PRKCB: variants seen among roughly 807,000 people sequenced by gnomAD.
PRKCB encodes protein kinase C beta type.
PRKCB carries 13 observed loss-of-function variants against 81.5 expected under a neutral mutation model. The observed-to-expected ratio is 0.16, with a 90% CI of 0.10 to 0.25. The LOEUF (loss-of-function observed/expected upper bound fraction) is 0.25. PRKCB is among the 10% of genes least tolerant of loss of function. The probability of loss-of-function intolerance (pLI) is 1.00; values close to 1 mark genes in which losing one functional copy is unlikely to be tolerated. For synonymous variants in PRKCB, 335 were observed against 321.4 expected, an observed-to-expected ratio of 1.04 and a Z score of -0.45; for missense variants, 509 against 875.7, an observed-to-expected ratio of 0.58 and a Z score of 5.29.
intron 2 of PRKCB, among the ~76,000 whole-genome samples, chr16:23,955,920 C>T (rs1292712634): frequency 6.6e-6 from 1 of 152,126 alleles, no homozygotes; most frequent in East Asian, 1.9e-4. Context: ...AATGTTTTCT[C>T]ATTCCAGGTT....
At chr16:24,038,723 A>G (rs1236735187) in intron 5 of PRKCB, among the ~76,000 whole-genome samples, 1 of 152,252 alleles carries the variant, frequency 6.6e-6, no homozygotes, top group Non-Finnish European at 1.5e-5. Context: ...CTCATGGGAA[A>G]AGAGAAGTGA....
chr16:24,069,220 AG>A (rs755557160), intron 5 of PRKCB, among the ~76,000 whole-genome samples: 20 of 152,210 alleles, frequency 1.3e-4, no homozygotes, highest in Non-Finnish European at 2.6e-4. Context: ...AGATCAGATA[AG>A]GGTACATGAA....
intron 3 of PRKCB, among the ~76,000 whole-genome samples, chr16:24,005,516 T>C (rs1965104504): frequency 6.6e-6 from 1 of 152,180 alleles, no homozygotes; most frequent in South Asian, 2.1e-4. Flanking sequence ...GAGTGGCGGT[T>C]CCGGCGTAAT....
rs58560122 is a variant in PRKCB at position 23,874,568 on chromosome 16, C to CTTTTTTTTTT, written c.205+37168_205+37177dup. On this transcript the variant is annotated intron_variant, in intron 2 of 16. Coordinates refer to ENST00000643927, the MANE Select transcript of PRKCB (RefSeq NM_002738.7). ...GCCTAGCATCACCAGATTCTTCTCT[C>CTTTTTTTTTT]TTTTTTTTTTTTTTTGTTTTGCCCC... Among the ~76,000 whole-genome samples, 6 of 133,050 alleles carry CTTTTTTTTTT rather than the reference C, an allele frequency of 4.5e-5. 1 individual carries two copies. Among genetic ancestry groups the CTTTTTTTTTT allele is most frequent in the Non-Finnish European group, 4.8e-5 (3 of 62,640 alleles). 87.3% of individuals were successfully genotyped at this position (133,050 alleles called of 152,430 possible).
At chr16:23,914,922 A>G (rs990445673) in intron 2 of PRKCB, among the ~76,000 whole-genome samples, 8 of 152,210 alleles carry the variant, frequency 5.3e-5, no homozygotes, top group African/African-American at 1.7e-4. Context: ...AGCCAGTCCA[A>G]GCCAGATGTT....
At chr16:23,942,827 C>T (rs1964155471) in intron 2 of PRKCB, among the ~76,000 whole-genome samples, 1 of 152,196 alleles carries the variant, frequency 6.6e-6, no homozygotes, top group Admixed American at 6.5e-5. Flanking sequence ...AGCATTGGGT[C>T]CCAGAGCCTG....
In PRKCB at chr16:23,925,046, T is replaced by C. The variant is rs368166612; in HGVS notation, c.206-63462T>C. ...CATTAGGTAAGGTCTTCCAGGTCAATATTTGACCATTGATTGGCACATCTG... is the reference window on the plus strand; with the variant it reads ...CATTAGGTAAGGTCTTCCAGGTCAACATTTGACCATTGATTGGCACATCTG... On this transcript the variant is annotated intron_variant, in intron 2 of 16. Coordinates refer to ENST00000643927, the MANE Select transcript of PRKCB (RefSeq NM_002738.7). Among the ~76,000 whole-genome samples the C allele has an allele frequency of 3.9e-5, 6 of 152,196 alleles. No individual in the cohort carries two copies. The South Asian group carries it at 6.2e-4, about 16-fold the overall frequency.
At chr16:23,841,614 A>AGTAGCT (rs1962265780) in intron 2 of PRKCB, among the ~76,000 whole-genome samples, 1 of 142,234 alleles carries the variant, frequency 7.0e-6, no homozygotes, top group South Asian at 2.3e-4. Context: ...CAGTGTCCTG[A>AGTAGCT]GTAGCTGGGA....
chr16:24,213,497 TA>T lies in PRKCB; in HGVS notation c.1864-1160del, dbSNP rs144169514. Among the ~76,000 whole-genome samples, 1,117 of 152,276 alleles carry T rather than the reference TA, an allele frequency of 7.3e-3. 12 individuals carry two copies. The highest frequency in any genetic ancestry group is 0.025 in the African/African-American group (1,053 of 41,560). On this transcript the variant is annotated intron_variant, in intron 16 of 16. Transcript: ENST00000643927. The stretch of plus-strand genomic sequence containing the variant: ...GGAGATCATAATAATGCCCACTTCA[TA>T]GGGCCATTGGGAAGATTAAATAAGG...
intron 16 of PRKCB, 128 bp downstream of exon 16, chr16:24,191,358 T>C: frequency 9.7e-7 from 1 of 1,033,568 alleles, no homozygotes. Flanking sequence ...GGTGTATGTA[T>C]TCACACATAT....
intron 2 of PRKCB, among the ~76,000 whole-genome samples, chr16:23,960,090 T>A (rs1374644421): frequency 6.6e-6 from 1 of 152,108 alleles, no homozygotes; most frequent in Non-Finnish European, 1.5e-5. Flanking sequence ...TGAGGGATGG[T>A]GCAGGAGAGA....
At chr16:23,980,720 T>C (rs1166407154) in intron 2 of PRKCB, among the ~76,000 whole-genome samples, 1 of 151,942 alleles carries the variant, frequency 6.6e-6, no homozygotes, top group Non-Finnish European at 1.5e-5. Flanking sequence ...AGGGTAAAGG[T>C]TGCTTCCTAA....
Position 24,218,312 on chromosome 16 carries a change from C to T in PRKCB, c.*3496C>T, listed in dbSNP as rs77825011. ...GGCATTCGAGCTTTGTTGTGAACAC[C>T]GGAAGTAACATGCCGAGCGCCTGGG... is the stretch of plus-strand genomic sequence containing the variant. On this transcript the variant is annotated 3_prime_UTR_variant, in exon 17 of 17. Coordinates refer to ENST00000643927, the MANE Select transcript of PRKCB (RefSeq NM_002738.7). 8 of 985,068 alleles carry T rather than the reference C, an allele frequency of 8.1e-6. No individual in the cohort carries two copies. The highest frequency in any genetic ancestry group is 7.2e-6 in the Non-Finnish European group (6 of 829,924). The allele number at this position is 985,068 out of a possible 1,614,324, so 61.0% of individuals were successfully genotyped here. A position where few individuals can be genotyped will look rare whatever the true frequency, so the allele number is the denominator to read the frequency against.
intron 16 of PRKCB, among the ~76,000 whole-genome samples, chr16:24,191,895 A>G (rs774720648): frequency 6.6e-6 from 1 of 152,238 alleles, no homozygotes; most frequent in African/African-American, 2.4e-5. Context: ...TCTATCCCCA[A>G]AGACTCAGCA....
chr16:23,979,398 GT>G (rs11325101), intron 2 of PRKCB, among the ~76,000 whole-genome samples: 3,510 of 152,166 alleles, frequency 0.023, 137 homozygotes, highest in African/African-American at 0.078. Context: ...TTAGATTTTT[GT>G]TAACACTCAT....
intron 5 of PRKCB, among the ~76,000 whole-genome samples, chr16:24,038,043 G>A (rs989523065): frequency 6.6e-6 from 1 of 152,066 alleles, no homozygotes; most frequent in Non-Finnish European, 1.5e-5. Flanking sequence ...TTAGCCAAGT[G>A]TGGTGGTGCA....
At chr16:24,176,509 G>A (rs183975265) in intron 12 of PRKCB, among the ~76,000 whole-genome samples, 51 of 152,326 alleles carry the variant, frequency 3.3e-4, no homozygotes, top group Non-Finnish European at 4.3e-4. Flanking sequence ...GCATGAAATG[G>A]CACATGGAAA....
intron 2 of PRKCB, among the ~76,000 whole-genome samples, chr16:23,939,816 CA>C (rs1393394724): frequency 6.6e-6 from 1 of 152,068 alleles, no homozygotes; most frequent in Non-Finnish European, 1.5e-5. Flanking sequence ...GACTTTACAC[CA>C]AAATCATGAT....
chr16:24,160,917 C>T (rs936594652), intron 10 of PRKCB, among the ~76,000 whole-genome samples: 16 of 152,184 alleles, frequency 1.1e-4, no homozygotes, highest in Admixed American at 5.2e-4. Flanking sequence ...TGAGCATGCT[C>T]CGCGTGTTTG....
Sources: allele counts gnomAD v4.1 joint callset (sites outside exome capture counted in the v4.1 genomes callset), GRCh38; gene constraint gnomAD v4.1.1; transcripts MANE v1.5; gene names NCBI Gene and HGNC (gene_info 2026-07-23, HGNC 2026-07-21).